The following ACVR1 variants were observed in gnomAD, a reference collection of about 807,000 sequenced individuals.
ACVR1 encodes the protein activin A receptor type 1, also known as activin receptor type-1.
In ACVR1, 38 loss-of-function variants were observed where a neutral mutation model predicts 57.1. The observed-to-expected ratio is 0.67, with a 90% CI of 0.51 to 0.87. ACVR1 has a LOEUF of 0.87. Ranked by LOEUF, ACVR1 falls within the 40% of genes least tolerant of loss-of-function variation. ACVR1 has a pLI of 0.00. For synonymous variants in ACVR1, 212 were observed against 228.1 expected (o/e 0.93, Z 0.63); for missense variants, 463 against 638.2 (o/e 0.73, Z 2.96).
intron 1 of ACVR1, among the ~76,000 whole-genome samples, chr2:157,858,039 TA>T (rs909058759): frequency 7.4e-4 from 107 of 144,252 alleles, no homozygotes; most frequent in East Asian, 2.0e-3. Flanking sequence ...AGTAAAAACT[TA>T]AAAAAAAAAA....
At chr2:157,812,405 G>T (rs573444131) in intron 2 of ACVR1, among the ~76,000 whole-genome samples, 1 of 152,116 alleles carries the variant, frequency 6.6e-6, no homozygotes, top group Admixed American at 6.6e-5. Flanking sequence ...TGAACACCTG[G>T]TTGATGGACC....
At chr2:157,785,672 C>T (rs1205182445) in intron 3 of ACVR1, among the ~76,000 whole-genome samples, 2 of 151,972 alleles carry the variant, frequency 1.3e-5, no homozygotes, top group Non-Finnish European at 2.9e-5. Flanking sequence ...TTTCCTTATC[C>T]GAGAGACTGA....
At chr2:157,828,253 G>A (rs1423909435) in intron 1 of ACVR1, among the ~76,000 whole-genome samples, 1 of 151,970 alleles carries the variant, frequency 6.6e-6, no homozygotes, top group African/African-American at 2.4e-5. Context: ...TTCAAGACCA[G>A]CCTGGCCAAC....
At chr2:157,814,417 C>T (rs79599127) in intron 2 of ACVR1, among the ~76,000 whole-genome samples, 2,608 of 152,262 alleles carry the variant, frequency 0.017, 79 homozygotes, top group African/African-American at 0.059. Context: ...AATTAAAGCA[C>T]ATTAAACTGC....
intron 9 of ACVR1, among the ~76,000 whole-genome samples, chr2:157,758,104 G>A (rs577117248): frequency 1.3e-5 from 2 of 151,972 alleles, no homozygotes; most frequent in South Asian, 2.1e-4. Flanking sequence ...ACTTGTAAAG[G>A]CACATATAGA....
intron 1 of ACVR1, among the ~76,000 whole-genome samples, chr2:157,830,733 CAAA>C (rs10711957): frequency 0.024 from 3,282 of 136,654 alleles, 47 homozygotes; most frequent in Non-Finnish European, 0.033. Context: ...TTTGTTTCAC[CAAA>C]AAAAAAAAAA....
intron 1 of ACVR1, among the ~76,000 whole-genome samples, chr2:157,848,447 G>C (rs1689193370): frequency 6.6e-6 from 1 of 152,200 alleles, no homozygotes; most frequent in Admixed American, 6.5e-5. Flanking sequence ...TCAACCGCCA[G>C]ACATGCGAGT....
chr2:157,844,593 A>G (rs1454852386), intron 1 of ACVR1, among the ~76,000 whole-genome samples: 1 of 152,182 alleles, frequency 6.6e-6, no homozygotes, highest in Admixed American at 6.5e-5. Flanking sequence ...GACACTTTTC[A>G]TTTTATTTAA....
chr2:157,800,764 T>C (rs1687293559), intron 2 of ACVR1, among the ~76,000 whole-genome samples: 1 of 152,178 alleles, frequency 6.6e-6, no homozygotes, highest in Non-Finnish European at 1.5e-5. Flanking sequence ...GTGGATCCTT[T>C]TGGGGATATA....
At chr2:157,833,133 T>C (rs1574125772) in intron 1 of ACVR1, among the ~76,000 whole-genome samples, 1 of 152,178 alleles carries the variant, frequency 6.6e-6, no homozygotes, top group East Asian at 1.9e-4. Context: ...GACTAGCAAA[T>C]TGTCAGCCCT....
At chr2:157,807,378 C>T (rs1477950837) in intron 2 of ACVR1, among the ~76,000 whole-genome samples, 1 of 152,168 alleles carries the variant, frequency 6.6e-6, no homozygotes, top group Non-Finnish European at 1.5e-5. Context: ...GGTGTTATTT[C>T]ACCAGGCTTG....
chr2:157,757,300 T>C (rs1685475377), intron 9 of ACVR1, among the ~76,000 whole-genome samples: 1 of 151,578 alleles, frequency 6.6e-6, no homozygotes, highest in African/African-American at 2.4e-5. Context: ...GGAAAATAAA[T>C]GGGCAAAGGC....
chr2:157,778,156 G>A lies in ACVR1; in HGVS notation c.518C>T (p.Thr173Ile), dbSNP rs1199234423. 6.2e-7 allele frequency: 1 copy of A among 1,613,764 alleles called. No homozygotes were observed. The highest frequency in any genetic ancestry group is 8.5e-7 in the Non-Finnish European group (1 of 1,179,864). The stretch of plus-strand genomic sequence containing the variant: ...TGCTAAAGTGCTGTCTCCAACATTG[G>A]TGGTGATGAGCCCTTCGATAGTGCC... Reference protein sequence around the residue: ...EYGTIEGLITTNVGDSTLADL... With the variant: ...EYGTIEGLITINVGDSTLADL... The change falls in exon 5 of 11, where the codon ACC becomes ATC. Residue 173 changes from threonine to isoleucine, a missense_variant. Physicochemically the swap from Thr to Ile is moderately conservative, Grantham distance 89. Transcript: ENST00000434821.
chr2:157,863,150 T>C (rs1269022840), intron 1 of ACVR1, among the ~76,000 whole-genome samples: 2 of 146,750 alleles, frequency 1.4e-5, no homozygotes, highest in Non-Finnish European at 3.0e-5. Context: ...GTAGCTGGGA[T>C]TACAGGTGTG....
intron 1 of ACVR1, among the ~76,000 whole-genome samples, chr2:157,863,277 G>T (rs1482413112): frequency 6.9e-6 from 1 of 144,110 alleles, no homozygotes; most frequent in Non-Finnish European, 1.5e-5. Context: ...CCTCCCAAAG[G>T]GTTGGGATTA....
intron 1 of ACVR1, among the ~76,000 whole-genome samples, chr2:157,830,536 C>A (rs1030654375): frequency 2.6e-5 from 4 of 152,138 alleles, no homozygotes; most frequent in Non-Finnish European, 4.4e-5. Context: ...TCAACCACAG[C>A]TTCCTTGTGA....
intron 2 of ACVR1, among the ~76,000 whole-genome samples, chr2:157,802,765 T>C (rs1260215140): frequency 6.6e-6 from 1 of 152,218 alleles, no homozygotes; most frequent in Non-Finnish European, 1.5e-5. Flanking sequence ...TTAATAATTA[T>C]GTATTCATAA....
intron 1 of ACVR1, among the ~76,000 whole-genome samples, chr2:157,832,430 T>C (rs1472486365): frequency 6.6e-6 from 1 of 152,224 alleles, no homozygotes; most frequent in Non-Finnish European, 1.5e-5. Flanking sequence ...CCAGCCTACC[T>C]GGAATCCTCT....
At chr2:157,850,536 A>G (rs1402645922) in intron 1 of ACVR1, among the ~76,000 whole-genome samples, 4 of 152,182 alleles carry the variant, frequency 2.6e-5, no homozygotes, top group Non-Finnish European at 5.9e-5. Context: ...AGATTAACCC[A>G]GTTTCCTTTT....
Sources: allele counts gnomAD v4.1 joint callset (sites outside exome capture counted in the v4.1 genomes callset), GRCh38; gene constraint gnomAD v4.1.1; transcripts MANE v1.5; gene names NCBI Gene and HGNC (gene_info 2026-07-23, HGNC 2026-07-21).